POMGNT2: variants seen among roughly 807,000 people sequenced by gnomAD.
POMGNT2 encodes protein O-linked mannose N-acetylglucosaminyltransferase 2 (beta 1,4-).
In POMGNT2, 32 loss-of-function variants were observed where a neutral mutation model predicts 37.8. That is an observed-to-expected ratio of 0.85 (90% confidence interval 0.64 to 1.14). The LOEUF (loss-of-function observed/expected upper bound fraction) is 1.14, where lower values mean the gene tolerates loss of function less well. Among genes scored for constraint, POMGNT2 ranks in the 50% most tolerant of loss-of-function variants. POMGNT2 has a pLI of 0.00. For synonymous variants in POMGNT2, 340 were observed against 336.8 expected (o/e 1.01, Z -0.10); for missense variants, 705 against 780.6 (o/e 0.90, Z 1.15).
intron 1 of POMGNT2, among the ~76,000 whole-genome samples, chr3:43,100,801 C>T (rs1322403832): frequency 6.6e-6 from 1 of 152,126 alleles, no homozygotes; most frequent in Admixed American, 6.5e-5. Flanking sequence ...AGAGTCAGGG[C>T]CAGCTATTTT....
intron 1 of POMGNT2, among the ~76,000 whole-genome samples, chr3:43,097,031 A>C (rs1283032054): frequency 2.0e-5 from 3 of 152,158 alleles, no homozygotes; most frequent in Non-Finnish European, 4.4e-5. Flanking sequence ...GGGTGGGGCC[A>C]CTTGCCTTGG....
Position 43,080,373 on chromosome 3 carries a change from G to C in POMGNT2, c.1059C>G (p.Leu353=), listed in dbSNP as rs2125700007. Residue 353 remains leucine, a synonymous_variant, in exon 2 of 2, where the codon CTC becomes CTG. Transcript: ENST00000344697. ...CCACAGTTGCCCCACGGGGCAGGAA[G>C]AGGGTGGTGACCAGCTGGGCCCCAT... is the stretch of plus-strand genomic sequence containing the variant. ...SMHGAQLVTT[L]FLPRGATVVE... 3.1e-6 allele frequency: 5 copies of C among 1,614,162 alleles called. No individual in the cohort carries two copies. Among genetic ancestry groups the C allele is most frequent in the South Asian group, 2.2e-5 (2 of 91,086 alleles).
At chr3:43,082,686 C>T (rs1260069453) in intron 1 of POMGNT2, among the ~76,000 whole-genome samples, 3 of 152,182 alleles carry the variant, frequency 2.0e-5, no homozygotes, top group African/African-American at 7.2e-5. Context: ...GGCACTGCAC[C>T]GGGAGGGAGT....
chr3:43,088,434 T>A lies in POMGNT2; in HGVS notation c.-105-6898A>T, dbSNP rs556950854. Among the ~76,000 whole-genome samples the A allele has an allele frequency of 4.6e-5, 7 of 152,314 alleles. No individual in the cohort carries two copies. The East Asian group carries it at 1.4e-3, about 29-fold the overall frequency. Reference sequence around the variant, plus strand: ...AGGTCGAGTGTACTGACAGACGACATAATGGACACTGTTGCTTCCCCCAGC... The same window carrying A: ...AGGTCGAGTGTACTGACAGACGACAAAATGGACACTGTTGCTTCCCCCAGC... On this transcript the variant is annotated intron_variant, in intron 1 of 1. Coordinates refer to ENST00000344697, the MANE Select transcript of POMGNT2 (RefSeq NM_032806.6).
chr3:43,091,447 A>C (rs1397238640), intron 1 of POMGNT2, among the ~76,000 whole-genome samples: 1 of 152,228 alleles, frequency 6.6e-6, no homozygotes, highest in Admixed American at 6.5e-5. Flanking sequence ...TAGGAGAGAA[A>C]GGACAGCTCT....
intron 1 of POMGNT2, among the ~76,000 whole-genome samples, chr3:43,094,414 A>C (rs2089964871): frequency 6.6e-6 from 1 of 152,224 alleles, no homozygotes; most frequent in East Asian, 1.9e-4. Flanking sequence ...CCCTTTCTCC[A>C]GACCAATTTT....
At chr3:43,081,675 T>C (rs911151219) in intron 1 of POMGNT2, 139 bp from the exon 2 acceptor site, 14 of 521,626 alleles carry the variant, frequency 2.7e-5, no homozygotes, top group African/African-American at 1.3e-4. Flanking sequence ...ATTGTGCACA[T>C]TGGTAGGCGT....
intron 1 of POMGNT2, among the ~76,000 whole-genome samples, chr3:43,083,479 T>C (rs1020968599): frequency 1.3e-5 from 2 of 152,212 alleles, no homozygotes; most frequent in African/African-American, 4.8e-5. Context: ...ATTTGTTTCT[T>C]TTATTTCCTG....
rs796767530 is a variant in POMGNT2, at chr3:43,099,729, G to T, written c.-106+6107C>A. 5.9e-5 allele frequency among the ~76,000 whole-genome samples: 9 copies of T among 152,084 alleles called. No individual in the cohort carries two copies. The South Asian group carries it at 1.4e-3, about 24-fold the overall frequency. ...CAGGGTGACGCTTTATGGCAGCCAG[G>T]TCCCTGCCAGATACCCAGGGACCCT... On this transcript the variant is annotated intron_variant, in intron 1 of 1. Coordinates refer to ENST00000344697, the MANE Select transcript of POMGNT2 (RefSeq NM_032806.6).
In POMGNT2 at chr3:43,081,274, T is replaced by C. The variant is rs770273388; in HGVS notation, c.158A>G (p.Tyr53Cys). The change falls in exon 2 of 2, where the codon TAC (tyrosine) becomes TGC (cysteine). Residue 53 changes from tyrosine to cysteine, a missense_variant. Transcript: ENST00000344697. Reference sequence around the variant, plus strand: ...CATCAGGATCTGCAGTGCCTTCGGGTAGTCGATCCTCAGTGCTGGGGCTGG... The same window carrying C: ...CATCAGGATCTGCAGTGCCTTCGGGCAGTCGATCCTCAGTGCTGGGGCTGG... ...TEPAPALRIDYPKALQILMEG... is the reference protein window; with the variant it reads ...TEPAPALRIDCPKALQILMEG... 63 of 1,613,178 alleles carry C rather than the reference T, an allele frequency of 3.9e-5. No individual in the cohort carries two copies. Among genetic ancestry groups the C allele is most frequent in the Non-Finnish European group, 5.3e-5 (62 of 1,180,004 alleles).
rs1322220734 is a variant in POMGNT2, at chr3:43,081,045, G to C, written c.387C>G (p.Tyr129Ter). 1 of 1,614,232 alleles carries C rather than the reference G, an allele frequency of 6.2e-7. No individual in the cohort carries two copies. The highest frequency in any genetic ancestry group is 8.5e-7 in the Non-Finnish European group (1 of 1,180,040). Residue 129 changes from tyrosine to a stop codon, truncating the protein, a stop_gained, in exon 2 of 2, where the codon TAC becomes TAG. Coordinates refer to ENST00000344697, the MANE Select transcript of POMGNT2 (RefSeq NM_032806.6). LOFTEE classifies it high-confidence loss of function. ...LSTVEDHNTQ[Y>*]FNFVELPAAA... ...CAGCAGGCAGCTCCACGAAGTTGAA[G>C]TACTGAGTGTTGTGGTCCTCCACGG...
chr3:43,100,608 T>A (rs983250245), intron 1 of POMGNT2, among the ~76,000 whole-genome samples: 7 of 152,188 alleles, frequency 4.6e-5, no homozygotes, highest in Non-Finnish European at 1.0e-4. Flanking sequence ...ACCACAAAAA[T>A]TAACGAAATG....
intron 1 of POMGNT2, among the ~76,000 whole-genome samples, chr3:43,096,571 T>C (rs937060891): frequency 6.6e-6 from 1 of 152,148 alleles, no homozygotes; most frequent in Admixed American, 6.5e-5. Flanking sequence ...CTTATGTTAA[T>C]AGCCCAGGCA....
At chr3:43,095,784 T>A (rs1454931806) in intron 1 of POMGNT2, among the ~76,000 whole-genome samples, 2 of 152,156 alleles carry the variant, frequency 1.3e-5, no homozygotes, top group Non-Finnish European at 2.9e-5. Flanking sequence ...CCAGTCTTCA[T>A]TAAAGTGGGG....
In POMGNT2 at chr3:43,081,421, G is replaced by C. The variant is rs536444876; in HGVS notation, c.11C>G (p.Ser4Trp). 1.3e-6 allele frequency: 2 copies of C among 1,570,628 alleles called. No individual in the cohort carries two copies. Among genetic ancestry groups the C allele is most frequent in the South Asian group, 2.4e-5 (2 of 83,496 alleles). Residue 4 changes from serine (S) to tryptophan (W), a missense_variant, in exon 2 of 2, where the codon TCG becomes TGG. Transcript: ENST00000344697. ...CACCAGGAGGGCGTTGAACACCGCCGAGAGGTGCATCCTAATGCCACTGTG... is the reference window on the plus strand; with the variant it reads ...CACCAGGAGGGCGTTGAACACCGCCCAGAGGTGCATCCTAATGCCACTGTG... MHL[S>W]AVFNALLVSV...
At position 43,084,819 on chromosome 3, in the gene POMGNT2, T is replaced by C. The variant is rs1237128130; in HGVS notation, c.-105-3283A>G. On this transcript the variant is annotated intron_variant, in intron 1 of 1. Transcript: ENST00000344697. Reference sequence around the variant, plus strand: ...ATTCCTGATTGAGCCCATTCAGTAATTTTAAAATTCTGCTTACTCTATTTT... The same window carrying C: ...ATTCCTGATTGAGCCCATTCAGTAACTTTAAAATTCTGCTTACTCTATTTT... Among the ~76,000 whole-genome samples, 11 of 152,222 alleles carry C rather than the reference T, an allele frequency of 7.2e-5. No homozygotes were observed. The South Asian group carries it at 1.0e-3, about 14-fold the overall frequency.
At chr3:43,093,594 C>G (rs546062004) in intron 1 of POMGNT2, among the ~76,000 whole-genome samples, 1 of 152,274 alleles carries the variant, frequency 6.6e-6, no homozygotes, top group African/African-American at 2.4e-5. Flanking sequence ...TCCTGGAGTT[C>G]TGATTGCCTG....
rs773686901 is a variant in POMGNT2, at chr3:43,081,307, G to T, written c.125C>A (p.Ala42Asp). 6.2e-7 allele frequency: 1 copy of T among 1,612,452 alleles called. No individual in the cohort carries two copies. The highest frequency in any genetic ancestry group is 1.1e-5 in the South Asian group (1 of 91,070). The change falls in exon 2 of 2, where the codon GCC becomes GAC. Residue 42 changes from alanine (A) to aspartate (D), a missense_variant. Ala to Asp is a moderately radical substitution (Grantham distance 126). Coordinates refer to ENST00000344697, the MANE Select transcript of POMGNT2 (RefSeq NM_032806.6). ...LEEELALSRQ[A>D]TEPAPALRID... is the part of the protein sequence containing the mutation. ...CCTCAGTGCTGGGGCTGGCTCTGTGGCCTGTCGGCTGAGGGCCAGCTCCTC... is the reference window on the plus strand; with the variant it reads ...CCTCAGTGCTGGGGCTGGCTCTGTGTCCTGTCGGCTGAGGGCCAGCTCCTC...
chr3:43,099,211 T>C (rs2090000070), intron 1 of POMGNT2, among the ~76,000 whole-genome samples: 1 of 152,108 alleles, frequency 6.6e-6, no homozygotes, highest in African/African-American at 2.4e-5. Context: ...CAGGCCCAAT[T>C]TGAGAGGGTT....
Sources: allele counts gnomAD v4.1 joint callset (sites outside exome capture counted in the v4.1 genomes callset), GRCh38; gene constraint gnomAD v4.1.1; transcripts MANE v1.5; gene names NCBI Gene and HGNC (gene_info 2026-07-23, HGNC 2026-07-21).